Variants in OCA2 observed in about 807,000 individuals in gnomAD.
OCA2 encodes OCA2 melanosomal transmembrane protein.
In OCA2, 77 loss-of-function variants were observed where a neutral mutation model predicts 100.2. The observed-to-expected ratio is 0.77, with a 90% CI of 0.64 to 0.93. OCA2 has a LOEUF of 0.93. Among genes scored for constraint, OCA2 ranks in the 40% least tolerant of loss-of-function variants. The pLI, the probability that OCA2 is intolerant of heterozygous loss-of-function variation, is 0.00. For synonymous variants in OCA2, 432 were observed against 439.2 expected (o/e 0.98, Z 0.21); for missense variants, 1,062 against 1,089.1 (o/e 0.98, Z 0.35).
intron 14 of OCA2, among the ~76,000 whole-genome samples, chr15:27,974,070 TAGGAGTCTTGG>T (rs1355554795): frequency 1.3e-5 from 2 of 152,204 alleles, no homozygotes; most frequent in African/African-American, 4.8e-5. Flanking sequence ...TTATCAAATC[TAGGAGTCTTGG>T]AGGAGTCTAG....
intron 18 of OCA2, among the ~76,000 whole-genome samples, chr15:27,929,825 A>AAATTTTTTT (rs71132826): frequency 2.1e-4 from 32 of 149,112 alleles, no homozygotes; most frequent in South Asian, 6.4e-4. Flanking sequence ...CAAATGGGAA[A>AAATTTTTTT]TATTTTAAAC....
intron 4 of OCA2, among the ~76,000 whole-genome samples, chr15:28,026,557 C>G (rs2042753294): frequency 6.6e-6 from 1 of 152,194 alleles, no homozygotes; most frequent in South Asian, 2.1e-4. Flanking sequence ...GAAGAGACAG[C>G]TCCATGTCAA....
intron 19 of OCA2, among the ~76,000 whole-genome samples, chr15:27,882,667 A>G (rs993411420): frequency 1.3e-5 from 2 of 151,922 alleles, no homozygotes; most frequent in Admixed American, 1.3e-4. Flanking sequence ...TAAACTCTGG[A>G]TTCTGTTTTA....
chr15:27,939,822 T>C (rs1188270884), intron 18 of OCA2, among the ~76,000 whole-genome samples: 1 of 152,226 alleles, frequency 6.6e-6, no homozygotes, highest in African/African-American at 2.4e-5. Flanking sequence ...GCAGCTAAAG[T>C]ATCTGCATTA....
chr15:27,969,983 T>C (rs2040716492), intron 14 of OCA2, among the ~76,000 whole-genome samples: 1 of 151,668 alleles, frequency 6.6e-6, no homozygotes, highest in Non-Finnish European at 1.5e-5. Context: ...TGGTGTAATT[T>C]GAAAATATAA....
At chr15:27,795,092 A>T (rs2033270573) in intron 23 of OCA2, among the ~76,000 whole-genome samples, 2 of 152,100 alleles carry the variant, frequency 1.3e-5, no homozygotes, top group South Asian at 4.1e-4. Flanking sequence ...TCCAGGAGTG[A>T]TTGTACCCTA....
At chr15:28,072,606 AAAAC>A (rs2044299562) in intron 2 of OCA2, among the ~76,000 whole-genome samples, 1 of 151,678 alleles carries the variant, frequency 6.6e-6, no homozygotes. Flanking sequence ...AAAAAAAAAA[AAAAC>A]AAGTAACCCC....
chr15:27,820,536 G>A (rs1327730586), intron 23 of OCA2, among the ~76,000 whole-genome samples: 1 of 152,176 alleles, frequency 6.6e-6, no homozygotes, highest in African/African-American at 2.4e-5. Flanking sequence ...AAACTGTCAA[G>A]GTCATCAAAA....
Position 27,789,987 on chromosome 15 carries a change from A to C in OCA2, c.2433-34515T>G. Among the ~76,000 whole-genome samples, 2 of 152,232 alleles carry C rather than the reference A, an allele frequency of 1.3e-5. 1 individual carries two copies. The highest frequency in any genetic ancestry group is 2.9e-5 in the Non-Finnish European group (2 of 68,040). Reference sequence around the variant, plus strand: ...TAAAACTTTGTCTGAGAACTATACTATTAGAAAAATGAAGAGATGAGACTC... The same window carrying C: ...TAAAACTTTGTCTGAGAACTATACTCTTAGAAAAATGAAGAGATGAGACTC... On this transcript the variant is annotated intron_variant, in intron 23 of 23. Transcript: ENST00000354638.
At chr15:27,909,140 A>T (rs1370643343) in intron 19 of OCA2, among the ~76,000 whole-genome samples, 2 of 152,230 alleles carry the variant, frequency 1.3e-5, no homozygotes, top group African/African-American at 4.8e-5. Context: ...ACTGTCAAAG[A>T]AAACCACATG....
intron 23 of OCA2, among the ~76,000 whole-genome samples, chr15:27,803,763 T>TA (rs1473614415): frequency 6.6e-6 from 1 of 152,218 alleles, no homozygotes. Context: ...TTACCACAAT[T>TA]AAAAAACAGT....
At chr15:28,045,794 C>G (rs1391135194) in intron 2 of OCA2, among the ~76,000 whole-genome samples, 1 of 152,222 alleles carries the variant, frequency 6.6e-6, no homozygotes, top group African/African-American at 2.4e-5. Flanking sequence ...TTATCTGTCA[C>G]AGTTTCCTCC....
intron 2 of OCA2, among the ~76,000 whole-genome samples, chr15:28,049,958 A>T (rs2043459009): frequency 6.6e-6 from 1 of 152,196 alleles, no homozygotes; most frequent in Non-Finnish European, 1.5e-5. Flanking sequence ...AGATTATATG[A>T]TATATATTTT....
rs563235254 is a variant in OCA2, at chr15:27,851,423, G to A, written c.2297C>T (p.Pro766Leu). 112 of 1,613,822 alleles carry A rather than the reference G, an allele frequency of 6.9e-5. No individual in the cohort carries two copies. The highest frequency in any genetic ancestry group is 8.0e-5 in the African/African-American group (6 of 74,924). The change falls in exon 22 of 24, where the codon CCG becomes CTG. Residue 766 changes from proline to leucine, a missense_variant. Pro to Leu is a moderately conservative substitution (Grantham distance 98). Transcript: ENST00000354638. ...SHDPEVGLPA[P>L]PLMYALAFGA... is the part of the protein sequence containing the mutation. ...GAAGGCCAGGGCATACATGAGCGGC[G>A]GTGCGGGCAGGCCAACCTCAGGGTC...
At position 28,014,903 on chromosome 15, in the gene OCA2, G is replaced by A. The variant is rs754030928; in HGVS notation, c.917C>T (p.Ala306Val). 1 of 1,614,114 alleles carries A rather than the reference G, an allele frequency of 6.2e-7. No individual in the cohort carries two copies. Among genetic ancestry groups the A allele is most frequent in the South Asian group, 1.1e-5 (1 of 91,074 alleles). The change falls in exon 9 of 24, where the codon GCC becomes GTC. Residue 306 changes from alanine (A) to valine (V), a missense_variant. By Grantham distance (64) the Ala-to-Val change is moderately conservative. Coordinates refer to ENST00000354638, the MANE Select transcript of OCA2 (RefSeq NM_000275.3). The stretch of plus-strand genomic sequence containing the variant: ...GACAGCCTGGGTCTGCTGCAGGGAG[G>A]CCCGGATGCTGATGGACACCGTCTC... ...TRETVSISIR[A>V]SLQQTQAVPL...
intron 14 of OCA2, among the ~76,000 whole-genome samples, chr15:27,968,617 A>G (rs1220456088): frequency 6.6e-6 from 1 of 152,254 alleles, no homozygotes; most frequent in Non-Finnish European, 1.5e-5. Context: ...CAACACAACT[A>G]GAGGCCATTA....
chr15:27,889,404 C>T (rs1183176580), intron 19 of OCA2, among the ~76,000 whole-genome samples: 1 of 152,166 alleles, frequency 6.6e-6, no homozygotes, highest in African/African-American at 2.4e-5. Flanking sequence ...TGCCACACCC[C>T]TTAAGATGAG....
intron 22 of OCA2, among the ~76,000 whole-genome samples, chr15:27,846,870 G>A (rs1274983771): frequency 6.6e-6 from 1 of 152,176 alleles, no homozygotes; most frequent in Non-Finnish European, 1.5e-5. Context: ...CAAGTGGGGA[G>A]CACAGCTCTT....
At chr15:27,830,559 T>A (rs899776093) in intron 23 of OCA2, among the ~76,000 whole-genome samples, 1 of 151,756 alleles carries the variant, frequency 6.6e-6, no homozygotes, top group Non-Finnish European at 1.5e-5. Flanking sequence ...ACATAAAGAG[T>A]AAAAGGCCAA....
Sources: gnomAD v4.1 joint callset for allele counts (sites outside exome capture counted in the v4.1 genomes callset) on GRCh38, gnomAD v4.1.1 for gene constraint, MANE v1.5 for transcripts, NCBI Gene and HGNC (gene_info 2026-07-23, HGNC 2026-07-21) for gene names.